The following MMEL1 variants were observed in gnomAD, a reference collection of about 807,000 sequenced individuals.
MMEL1 encodes the protein membrane metalloendopeptidase like 1, also known as membrane metallo-endopeptidase-like 1.
In MMEL1, 98 loss-of-function variants were observed where a neutral mutation model predicts 117.1. That is an observed-to-expected ratio of 0.84 (90% CI 0.71 to 0.99). The LOEUF is 0.99. Among genes scored for constraint, MMEL1 ranks in the 50% least tolerant of loss-of-function variants. The probability of loss-of-function intolerance (pLI) is 0.00; values close to 1 mark genes in which losing one functional copy is unlikely to be tolerated. For synonymous variants in MMEL1, 390 were observed against 415.1 expected (o/e 0.94, Z 0.74); for missense variants, 1,014 against 1,049.1 (o/e 0.97, Z 0.46).
intron 8 of MMEL1, 82 bp downstream of exon 8, chr1:2,606,166 G>T: frequency 8.9e-7 from 1 of 1,126,610 alleles, no homozygotes; most frequent in Non-Finnish European, 1.3e-6. Context: ...TGTCGGCCTG[G>T]CCCATCCTTC....
chr1:2,604,132 C>T lies in MMEL1; in HGVS notation c.951+15G>A. The T allele has an allele frequency of 1.3e-6, 2 of 1,545,832 alleles. No individual in the cohort carries two copies. The highest frequency in any genetic ancestry group is 1.8e-6 in the Non-Finnish European group (2 of 1,124,224). On this transcript the variant is annotated intron_variant, in intron 10 of 23. Coordinates refer to ENST00000378412, the MANE Select transcript of MMEL1 (RefSeq NM_033467.4). ...CCACTCGCTGCCCGCTCCCCACCCGCCCCGGCCCCCTTACCTTGGCCAGCT... is the reference window on the plus strand; with the variant it reads ...CCACTCGCTGCCCGCTCCCCACCCGTCCCGGCCCCCTTACCTTGGCCAGCT...
chr1:2,608,482 A>T (rs544917804), intron 6 of MMEL1, among the ~76,000 whole-genome samples: 1 of 152,112 alleles, frequency 6.6e-6, no homozygotes, highest in South Asian at 2.1e-4. Context: ...ACACACATAC[A>T]GCACACACAT....
chr1:2,592,804 G>A lies in MMEL1; in HGVS notation c.2001+29C>T, dbSNP rs750974812. On this transcript the variant is annotated intron_variant, in intron 20 of 23. Coordinates refer to ENST00000378412, the MANE Select transcript of MMEL1 (RefSeq NM_033467.4). ...CCAGGGCTGGGGCTCCGGTACCCCC[G>A]CAGCCTGGGTGCTGGTGGCAGCGCT... is the stretch of plus-strand genomic sequence containing the variant. 5.1e-5 allele frequency: 83 copies of A among 1,612,336 alleles called. 2 individuals are homozygous for A. The South Asian group carries it at 5.4e-4, about 10-fold the overall frequency.
At chr1:2,620,875 A>T (rs1645279278) in intron 2 of MMEL1, among the ~76,000 whole-genome samples, 1 of 151,954 alleles carries the variant, frequency 6.6e-6, no homozygotes, top group Non-Finnish European at 1.5e-5. Context: ...AGGCAAGGGC[A>T]TTCCAAAGTT....
Position 2,591,982 on chromosome 1 carries a change from G to A in MMEL1, c.2113C>T (p.Pro705Ser). The A allele has an allele frequency of 6.2e-7, 1 of 1,613,344 alleles. No homozygotes were observed. Among genetic ancestry groups the A allele is most frequent in the Non-Finnish European group, 8.5e-7 (1 of 1,179,852 alleles). ...MAEGGKDQQL[P>S]GLDLTHEQLF... Reference sequence around the variant, plus strand: ...TGCTCATGGGTGAGATCCAGGCCGGGCAGCTGCTGGTCCTTGCCACCCTCT... The same window carrying A: ...TGCTCATGGGTGAGATCCAGGCCGGACAGCTGCTGGTCCTTGCCACCCTCT... Residue 705 changes from proline (P) to serine (S), a missense_variant, in exon 22 of 24, where the codon CCC becomes TCC. Pro to Ser is a moderately conservative substitution (Grantham distance 74). Coordinates refer to ENST00000378412, the MANE Select transcript of MMEL1 (RefSeq NM_033467.4).
rs574830458 is a variant in MMEL1 at position 2,605,541 on chromosome 1, G to A, written c.816+17C>T. On this transcript the variant is annotated intron_variant, in intron 9 of 23. Transcript: ENST00000378412. ...TGATGGGGGGGTCATCTGGCATTGC[G>A]GTGAGGACCCACCCACCTTCCGGTT... is the stretch of plus-strand genomic sequence containing the variant. 2.7e-5 allele frequency: 44 copies of A among 1,608,810 alleles called. No homozygotes were observed. The African/African-American group carries it at 3.7e-4, about 14-fold the overall frequency.
chr1:2,602,125 T>C (rs934047833), intron 11 of MMEL1, among the ~76,000 whole-genome samples: 10 of 152,132 alleles, frequency 6.6e-5, no homozygotes, highest in South Asian at 2.1e-4. Context: ...GTTCTTAGAG[T>C]CAGAGGCCAC....
intron 1 of MMEL1, among the ~76,000 whole-genome samples, chr1:2,631,724 CT>C (rs1037881853): frequency 3.9e-5 from 6 of 152,146 alleles, no homozygotes; most frequent in African/African-American, 9.7e-5. Flanking sequence ...CTAGACACCC[CT>C]ATCCCGCCAC....
At chr1:2,594,016 G>T in intron 18 of MMEL1, 83 bp from the exon 19 acceptor site, 1 of 1,475,144 alleles carries the variant, frequency 6.8e-7, no homozygotes, top group Non-Finnish European at 9.0e-7. Flanking sequence ...GCTGCCAGGG[G>T]TTCTGACACT....
rs376434080 is a variant in MMEL1 at position 2,596,291 on chromosome 1, C to T, written c.1402-184G>A. 1.4e-4 allele frequency among the ~76,000 whole-genome samples: 21 copies of T among 152,228 alleles called. No homozygotes were observed. The South Asian group carries it at 4.1e-3, about 30-fold the overall frequency. On this transcript the variant is annotated intron_variant, in intron 14 of 23. Coordinates refer to ENST00000378412, the MANE Select transcript of MMEL1 (RefSeq NM_033467.4). ...TGAGATGACAACCCAACTTCAGGGT[C>T]CTCCCTGCTGGGCTGTGGGTCCTCG... is the stretch of plus-strand genomic sequence containing the variant.
intron 9 of MMEL1, 142 bp from the exon 10 acceptor site, chr1:2,604,423 C>T: frequency 8.3e-7 from 1 of 1,206,604 alleles, no homozygotes; most frequent in Non-Finnish European, 1.2e-6. Context: ...GGCTCTCGGG[C>T]ACACAGAGTG....
At chr1:2,598,364 T>C (rs1299881907) in intron 12 of MMEL1, 64 bp from the exon 13 acceptor site, 3 of 1,524,708 alleles carry the variant, frequency 2.0e-6, no homozygotes, top group Admixed American at 1.7e-5. Flanking sequence ...GGAGGAGATA[T>C]GGCTTAGGGC....
chr1:2,593,817 TGTC>T lies in MMEL1; in HGVS notation c.1861_1863del (p.Asp621del), dbSNP rs1263646179. On this transcript the variant is annotated inframe_deletion, in exon 19 of 24. Transcript: ENST00000378412. ...GATTGGAGGGGCGGCCGCTCACCAT[TGTC>T]GTCAAAGCCGTGCGTGATCTCGTGC... The T allele has an allele frequency of 3.1e-6, 5 of 1,601,950 alleles. No homozygotes were observed. Among genetic ancestry groups the T allele is most frequent in the African/African-American group, 1.3e-5 (1 of 74,396 alleles).
chr1:2,621,572 AT>A lies in MMEL1; in HGVS notation c.154+7758del, dbSNP rs76715186. Among the ~76,000 whole-genome samples the A allele has an allele frequency of 1.7e-3, 247 of 145,580 alleles. 1 individual carries two copies. Among genetic ancestry groups the A allele is most frequent in the Non-Finnish European group, 1.8e-3 (116 of 66,084 alleles). On this transcript the variant is annotated intron_variant, in intron 2 of 23. Transcript: ENST00000378412. ...ACCTTTCTGGACTGAACCAATGCAC[AT>A]TTTTTTTTTTTTGTTTTGGAGATGC...
At chr1:2,594,738 C>T in intron 17 of MMEL1, 52 bp downstream of exon 17, 2 of 1,492,840 alleles carry the variant, frequency 1.3e-6, no homozygotes, top group Admixed American at 1.7e-5. Context: ...GCACGCCTTA[C>T]TGGCCACTCC....
At chr1:2,611,921 C>G (rs529967195) in intron 3 of MMEL1, among the ~76,000 whole-genome samples, 1 of 152,270 alleles carries the variant, frequency 6.6e-6, no homozygotes, top group South Asian at 2.1e-4. Flanking sequence ...GGAGCAGGTG[C>G]GGAGTGTCCA....
chr1:2,611,847 G>T (rs1433312879), intron 3 of MMEL1, among the ~76,000 whole-genome samples: 2 of 152,182 alleles, frequency 1.3e-5, no homozygotes, highest in Non-Finnish European at 2.9e-5. Context: ...CTCTCTGCAT[G>T]CCCTGCCCCG....
At chr1:2,614,105 T>C (rs1645169293) in intron 2 of MMEL1, among the ~76,000 whole-genome samples, 1 of 152,198 alleles carries the variant, frequency 6.6e-6, no homozygotes, top group Non-Finnish European at 1.5e-5. Flanking sequence ...TGGTGGTGAA[T>C]GGTGAACCCA....
At chr1:2,598,821 G>A (rs1300236973) in intron 11 of MMEL1, 31 bp from the exon 12 acceptor site, 5 of 1,424,500 alleles carry the variant, frequency 3.5e-6, no homozygotes, top group Admixed American at 3.8e-5. Flanking sequence ...GAGAAAGAGG[G>A]AGAGAGAGAG....
Sources: allele counts gnomAD v4.1 joint callset (sites outside exome capture counted in the v4.1 genomes callset), GRCh38; gene constraint gnomAD v4.1.1; transcripts MANE v1.5; gene names NCBI Gene and HGNC (gene_info 2026-07-23, HGNC 2026-07-21).